The following SH3PXD2A variants were observed in gnomAD, a reference collection of about 807,000 sequenced individuals.
The protein encoded by SH3PXD2A is SH3 and PX domain-containing protein 2A.
A neutral mutation model predicts 115.2 loss-of-function variants in SH3PXD2A; 32 were observed. The observed-to-expected ratio is 0.28, with a 90% CI of 0.21 to 0.37. The LOEUF is 0.37. SH3PXD2A is among the 10% of genes least tolerant of loss of function. The probability of loss-of-function intolerance (pLI) is 1.00; values close to 1 mark genes in which losing one functional copy is unlikely to be tolerated. For synonymous variants in SH3PXD2A, 610 were observed against 629.1 expected, an observed-to-expected ratio of 0.97 and a Z score of 0.45; for missense variants, 1,328 against 1,498.7, an observed-to-expected ratio of 0.89 and a Z score of 1.88.
chr10:103,677,586 TATC>T (rs2037554714), intron 6 of SH3PXD2A, among the ~76,000 whole-genome samples: 1 of 152,158 alleles, frequency 6.6e-6, no homozygotes, highest in South Asian at 2.1e-4. Flanking sequence ...CTGTCTCCCT[TATC>T]ATGCCCTGGG....
intron 8 of SH3PXD2A, 88 bp downstream of exon 8, chr10:103,660,895 C>T (rs1213157182): frequency 1.5e-5 from 20 of 1,363,678 alleles, no homozygotes; most frequent in South Asian, 3.5e-5. Context: ...ATAGCTGCAG[C>T]GGTGGGGGAG....
chr10:103,680,725 C>T (rs1407414982), intron 6 of SH3PXD2A, among the ~76,000 whole-genome samples: 1 of 152,106 alleles, frequency 6.6e-6, no homozygotes, highest in African/African-American at 2.4e-5. Flanking sequence ...ATCCAGGGGG[C>T]AAGGCAGAAA....
At chr10:103,608,100 A>G (rs1333172912) in intron 13 of SH3PXD2A, among the ~76,000 whole-genome samples, 16 of 136,102 alleles carry the variant, frequency 1.2e-4, no homozygotes, top group Admixed American at 7.2e-4. Flanking sequence ...CTATTGTCCT[A>G]TGACCCTGCC....
intron 8 of SH3PXD2A, among the ~76,000 whole-genome samples, chr10:103,649,837 T>G (rs2037091628): frequency 6.6e-6 from 1 of 152,064 alleles, no homozygotes; most frequent in South Asian, 2.1e-4. Context: ...AACAGCAACC[T>G]CACCCCCTTC....
rs140769270 is a variant in SH3PXD2A, at chr10:103,706,978, G to A, written c.399-13922C>T. Among the ~76,000 whole-genome samples, 679 of 152,274 alleles carry A rather than the reference G, an allele frequency of 4.5e-3. 3 individuals carry two copies. Among genetic ancestry groups the A allele is most frequent in the Non-Finnish European group, 7.1e-3 (484 of 68,028 alleles). On this transcript the variant is annotated intron_variant, in intron 5 of 14. Coordinates refer to ENST00000369774, the MANE Select transcript of SH3PXD2A (RefSeq NM_001394015.1). ...TCTGTGACATCACCTTGGTTGTCAT[G>A]GAAACCACCCTGGCATCACAGTGGA...
At chr10:103,774,688 A>G (rs1564885954) in intron 2 of SH3PXD2A, among the ~76,000 whole-genome samples, 1 of 152,206 alleles carries the variant, frequency 6.6e-6, no homozygotes, top group Admixed American at 6.5e-5. Context: ...AATTCAAGTA[A>G]TGGTTAATCA....
chr10:103,844,299 A>G (rs1443007595), intron 1 of SH3PXD2A, among the ~76,000 whole-genome samples: 1 of 152,192 alleles, frequency 6.6e-6, no homozygotes, highest in African/African-American at 2.4e-5. Flanking sequence ...AGAATTCAGG[A>G]CAGAGTTTCA....
chr10:103,692,269 A>G (rs2037761961), intron 6 of SH3PXD2A, among the ~76,000 whole-genome samples: 1 of 152,026 alleles, frequency 6.6e-6, no homozygotes, highest in Non-Finnish European at 1.5e-5. Flanking sequence ...CCACTTCCAG[A>G]GACAATCCTG....
intron 5 of SH3PXD2A, among the ~76,000 whole-genome samples, chr10:103,721,537 C>T (rs2038181822): frequency 6.6e-6 from 1 of 152,246 alleles, no homozygotes; most frequent in Non-Finnish European, 1.5e-5. Flanking sequence ...GCATGGATCA[C>T]AGGCTGGGTC....
At chr10:103,826,945 A>AATGGAGGGATAACTC (rs1564898778) in intron 1 of SH3PXD2A, among the ~76,000 whole-genome samples, 1 of 152,166 alleles carries the variant, frequency 6.6e-6, no homozygotes, top group East Asian at 1.9e-4. Flanking sequence ...CGGCCCGGCT[A>AATGGAGGGATAACTC]ATGGAGGGAT....
chr10:103,608,987 TA>T (rs1166474202), intron 13 of SH3PXD2A: 1 of 150,802 alleles, frequency 6.6e-6, no homozygotes, highest in African/African-American at 2.4e-5. Context: ...CACACACACA[TA>T]CACACACACA....
At chr10:103,668,753 C>T (rs1466471730) in intron 6 of SH3PXD2A, 101 bp from the exon 7 acceptor site, 22 of 1,078,450 alleles carry the variant, frequency 2.0e-5, no homozygotes, top group East Asian at 1.6e-4. Flanking sequence ...GCAGGCGCCG[C>T]GCTCGGCCAG....
intron 8 of SH3PXD2A, among the ~76,000 whole-genome samples, chr10:103,635,806 C>A (rs117449364): frequency 6.6e-6 from 1 of 152,212 alleles, no homozygotes; most frequent in Non-Finnish European, 1.5e-5. Flanking sequence ...CCAGAAAGAA[C>A]GAACATGTAG....
chr10:103,721,165 C>T (rs1464072990), intron 5 of SH3PXD2A, among the ~76,000 whole-genome samples: 1 of 152,242 alleles, frequency 6.6e-6, no homozygotes, highest in Non-Finnish European at 1.5e-5. Flanking sequence ...ATTCTGTTCC[C>T]CAGCCTTCCA....
intron 3 of SH3PXD2A, among the ~76,000 whole-genome samples, chr10:103,764,278 T>C (rs2038731176): frequency 6.6e-6 from 1 of 152,156 alleles, no homozygotes; most frequent in African/African-American, 2.4e-5. Flanking sequence ...GTTAAGGTAG[T>C]TTCTAGTGAG....
chr10:103,693,116 A>G, intron 5 of SH3PXD2A, 60 bp from the exon 6 acceptor site: 1 of 1,494,826 alleles, frequency 6.7e-7, no homozygotes, highest in Non-Finnish European at 9.3e-7. Context: ...GCGGGGCTGC[A>G]GCTGCAGGGG....
At chr10:103,777,716 C>T (rs1406007123) in intron 2 of SH3PXD2A, among the ~76,000 whole-genome samples, 2 of 152,206 alleles carry the variant, frequency 1.3e-5, no homozygotes, top group Non-Finnish European at 2.9e-5. Flanking sequence ...CAGACCCCCA[C>T]CTGCTGACCC....
chr10:103,701,307 TCATC>T (rs1670622114), intron 5 of SH3PXD2A, among the ~76,000 whole-genome samples: 2 of 85,596 alleles, frequency 2.3e-5, no homozygotes, highest in Admixed American at 1.2e-4. Flanking sequence ...ATCCATCCAT[TCATC>T]CATCCATCAT....
In SH3PXD2A at chr10:103,776,436, CTGTGTG is replaced by C. The variant is rs34034863; in HGVS notation, c.154-9273_154-9268del. Among the ~76,000 whole-genome samples the C allele has an allele frequency of 3.4e-3, 428 of 125,114 alleles. 1 individual carries two copies. The highest frequency in any genetic ancestry group is 8.0e-3 in the East Asian group (37 of 4,644). The allele number at this position is 125,114 out of a possible 152,430, so 82.1% of individuals were successfully genotyped here. On this transcript the variant is annotated intron_variant, in intron 2 of 14. Coordinates refer to ENST00000369774, the MANE Select transcript of SH3PXD2A (RefSeq NM_001394015.1). ...AAAGTGTGTGCATGCGTGTGTGTGT[CTGTGTG>C]TGTGTGTGTGTGTGTGTGTGTGTGT...
Sources: gnomAD v4.1 joint callset for allele counts (sites outside exome capture counted in the v4.1 genomes callset) on GRCh38, gnomAD v4.1.1 for gene constraint, MANE v1.5 for transcripts, NCBI Gene and HGNC (gene_info 2026-07-23, HGNC 2026-07-21) for gene names.